PRKCE: variants seen among roughly 807,000 people sequenced by gnomAD.
The protein encoded by PRKCE is protein kinase C epsilon type.
PRKCE carries 16 observed loss-of-function variants against 85.4 expected under a neutral mutation model. That is an observed-to-expected ratio of 0.19 (90% CI 0.13 to 0.28). The LOEUF (loss-of-function observed/expected upper bound fraction) is 0.28, where lower values mean the gene tolerates loss of function less well. PRKCE is among the 10% of genes least tolerant of loss of function. The pLI is 1.00. For synonymous variants in PRKCE, 388 were observed against 371.5 expected, an observed-to-expected ratio of 1.04 and a Z score of -0.51; for missense variants, 573 against 975.2, an observed-to-expected ratio of 0.59 and a Z score of 5.49.
At chr2:45,901,379 C>T (rs1696571227) in intron 2 of PRKCE, among the ~76,000 whole-genome samples, 1 of 152,174 alleles carries the variant, frequency 6.6e-6, no homozygotes. Context: ...AAGGTATTAG[C>T]CTGTTCACAT....
chr2:45,741,040 GA>G (rs1175500881), intron 1 of PRKCE, among the ~76,000 whole-genome samples: 1 of 152,132 alleles, frequency 6.6e-6, no homozygotes, highest in Non-Finnish European at 1.5e-5. Context: ...ATCTTTTTGT[GA>G]AAAAATTAAA....
intron 2 of PRKCE, among the ~76,000 whole-genome samples, chr2:45,952,964 C>A (rs185573159): frequency 6.6e-6 from 1 of 152,160 alleles, no homozygotes; most frequent in Non-Finnish European, 1.5e-5. Context: ...CTGAGTTCAC[C>A]CTGACATCTC....
At chr2:46,110,979 CT>C (rs1284115750) in intron 11 of PRKCE, among the ~76,000 whole-genome samples, 2 of 152,080 alleles carry the variant, frequency 1.3e-5, no homozygotes, top group Non-Finnish European at 2.9e-5. Context: ...ATTGTTTTAT[CT>C]CCAAATAATT....
At chr2:45,764,744 A>G (rs1314452314) in intron 1 of PRKCE, among the ~76,000 whole-genome samples, 1 of 152,208 alleles carries the variant, frequency 6.6e-6, no homozygotes, top group Non-Finnish European at 1.5e-5. Context: ...CAGAAACTTG[A>G]GGCTGGGGTT....
Position 45,895,563 on chromosome 2 carries a change from T to C in PRKCE, c.412+52500T>C, listed in dbSNP as rs1005371554. On this transcript the variant is annotated intron_variant, in intron 2 of 14. Transcript: ENST00000306156. The surrounding 1 kb of genome is among the most constrained non-coding windows in gnomAD (Gnocchi z 4.8). ...CTCAATTAATTCTTCTTCAATTTGG[T>C]TAGAGGAAAAAAATGCTTTTCTGAG... Among the ~76,000 whole-genome samples, 2 of 151,730 alleles carry C rather than the reference T, an allele frequency of 1.3e-5. No homozygotes were observed. Among genetic ancestry groups the C allele is most frequent in the African/African-American group, 2.4e-5 (1 of 40,984 alleles).
In PRKCE at chr2:46,011,082, GTC is replaced by G. The variant is rs1461200726; in HGVS notation, c.1437+567_1437+568del. On this transcript the variant is annotated intron_variant, in intron 10 of 14. Transcript: ENST00000306156. The stretch of plus-strand genomic sequence containing the variant: ...AGATAATCCATAACTCCATGGTAGA[GTC>G]TGACTCGAGTATTATTAACTAATTT... The G allele has an allele frequency of 1.3e-4, 64 of 475,968 alleles. No individual in the cohort carries two copies. In the East Asian group the frequency reaches 2.2e-3, roughly 16 times the overall value. The allele number at this position is 475,968 out of a possible 1,614,324, so 29.5% of individuals were successfully genotyped here.
intron 8 of PRKCE, among the ~76,000 whole-genome samples, chr2:46,006,425 A>G (rs1705206192): frequency 6.6e-6 from 1 of 152,174 alleles, no homozygotes; most frequent in Non-Finnish European, 1.5e-5. Context: ...AACACGTCTC[A>G]GAGGAGCCAA....
chr2:46,064,050 G>T (rs931126120), intron 10 of PRKCE, among the ~76,000 whole-genome samples: 6 of 152,134 alleles, frequency 3.9e-5, no homozygotes, highest in Admixed American at 1.3e-4. Flanking sequence ...GGGAGGCCGA[G>T]GTGGGCGGAT....
chr2:45,828,567 A>T (rs890440312), intron 1 of PRKCE, among the ~76,000 whole-genome samples: 3 of 152,260 alleles, frequency 2.0e-5, no homozygotes, highest in Non-Finnish European at 2.9e-5. Context: ...AAGATATATG[A>T]AAATTTAAAA....
intron 10 of PRKCE, 65 bp from the exon 11 acceptor site, chr2:46,086,143 T>C (rs968492427): frequency 2.6e-6 from 4 of 1,530,190 alleles, no homozygotes; most frequent in East Asian, 4.5e-5. Flanking sequence ...GAGCTCACAC[T>C]AAGCTGGCCT....
chr2:45,745,406 G>A (rs1455136920), intron 1 of PRKCE, among the ~76,000 whole-genome samples: 2 of 152,046 alleles, frequency 1.3e-5, no homozygotes, highest in African/African-American at 2.4e-5. Context: ...GTTGTGCTTC[G>A]CTTTCTCATC....
At chr2:45,854,417 T>C (rs1417571663) in intron 2 of PRKCE, among the ~76,000 whole-genome samples, 1 of 152,164 alleles carries the variant, frequency 6.6e-6, no homozygotes, top group Non-Finnish European at 1.5e-5. Context: ...AGGGCCTCAA[T>C]AGCCCTGGGC....
At chr2:45,927,496 C>T (rs145636552) in intron 2 of PRKCE, among the ~76,000 whole-genome samples, 1 of 152,200 alleles carries the variant, frequency 6.6e-6, no homozygotes, top group African/African-American at 2.4e-5. Context: ...AAGCCACAGG[C>T]ATCCAGGTCT....
intron 1 of PRKCE, among the ~76,000 whole-genome samples, chr2:45,672,508 A>G (rs969216009): frequency 2.0e-5 from 3 of 152,188 alleles, no homozygotes; most frequent in Non-Finnish European, 4.4e-5. Context: ...TTTATTGGTC[A>G]TATAGTTGAT....
rs189915124 is a variant in PRKCE at position 45,963,505 on chromosome 2, C to T, written c.413-12924C>T. ...TGTGTTTTTACTAGAGACAGGGTTTCGCCATGTTGGCCAGGCTGGTCTAGA... is the reference window on the plus strand; with the variant it reads ...TGTGTTTTTACTAGAGACAGGGTTTTGCCATGTTGGCCAGGCTGGTCTAGA... On this transcript the variant is annotated intron_variant, in intron 2 of 14. Coordinates refer to ENST00000306156, the MANE Select transcript of PRKCE (RefSeq NM_005400.3). Among the ~76,000 whole-genome samples, 38 of 152,226 alleles carry T rather than the reference C, an allele frequency of 2.5e-4. No homozygotes were observed. In the East Asian group the frequency reaches 6.2e-3, roughly 25 times the overall value.
intron 2 of PRKCE, among the ~76,000 whole-genome samples, chr2:45,933,534 C>T (rs181264599): frequency 0.017 from 2,114 of 126,782 alleles, 58 homozygotes; most frequent in African/African-American, 0.059. Flanking sequence ...AGTGCAGTGG[C>T]GCGATCTCGG....
intron 2 of PRKCE, among the ~76,000 whole-genome samples, chr2:45,899,256 A>G (rs1476128364): frequency 6.6e-6 from 1 of 152,162 alleles, no homozygotes; most frequent in African/African-American, 2.4e-5. Flanking sequence ...TGGAAATTAA[A>G]CTTTTTCCCC....
intron 14 of PRKCE, among the ~76,000 whole-genome samples, chr2:46,168,129 C>A (rs1035781888): frequency 4.6e-5 from 7 of 152,148 alleles, no homozygotes; most frequent in African/African-American, 1.7e-4. Flanking sequence ...CATCCCCTAC[C>A]CCCACTCCAG....
intron 2 of PRKCE, among the ~76,000 whole-genome samples, chr2:45,957,568 C>T (rs1023447345): frequency 6.6e-6 from 1 of 152,140 alleles, no homozygotes; most frequent in Non-Finnish European, 1.5e-5. Flanking sequence ...GTAAGTTGAT[C>T]ACTCTTAGGC....
Sources: gnomAD v4.1 joint callset for allele counts (sites outside exome capture counted in the v4.1 genomes callset) on GRCh38, gnomAD v4.1.1 for gene constraint, Gnocchi (gnomAD v3.1) non-coding constraint, MANE v1.5 for transcripts, NCBI Gene and HGNC (gene_info 2026-07-23, HGNC 2026-07-21) for gene names.